The following KCTD8 variants were observed in gnomAD, a reference collection of about 807,000 sequenced individuals.
KCTD8 encodes the protein BTB/POZ domain-containing protein KCTD8.
A neutral mutation model predicts 31.5 loss-of-function variants in KCTD8; 27 were observed. The ratio of observed to expected loss-of-function variants is 0.86; its 90% confidence interval spans 0.63 to 1.18. The LOEUF (loss-of-function observed/expected upper bound fraction) is 1.18, where lower values mean the gene tolerates loss of function less well. Ranked by LOEUF, KCTD8 falls within the 50% of genes most tolerant of loss-of-function variation. The pLI is 0.00. For synonymous variants in KCTD8, 290 were observed against 280.0 expected (o/e 1.04, Z -0.36); for missense variants, 658 against 647.7 (o/e 1.02, Z -0.17).
intron 1 of KCTD8, among the ~76,000 whole-genome samples, chr4:44,208,416 C>T (rs1714381866): frequency 6.6e-6 from 1 of 152,150 alleles, no homozygotes; most frequent in African/African-American, 2.4e-5. Flanking sequence ...AGACTGCATC[C>T]TAATGAGTAG....
intron 1 of KCTD8, among the ~76,000 whole-genome samples, chr4:44,230,985 G>A (rs1350506622): frequency 2.0e-5 from 3 of 152,222 alleles, no homozygotes; most frequent in Non-Finnish European, 2.9e-5. Context: ...TGAAAAAATC[G>A]ATTTCGCTGG....
chr4:44,301,155 T>A (rs1276585255), intron 1 of KCTD8, among the ~76,000 whole-genome samples: 1 of 152,164 alleles, frequency 6.6e-6, no homozygotes, highest in Admixed American at 6.5e-5. Flanking sequence ...TTTGCTATTG[T>A]GAATAATGCC....
intron 1 of KCTD8, among the ~76,000 whole-genome samples, chr4:44,288,733 G>A (rs1717174639): frequency 6.6e-6 from 1 of 151,796 alleles, no homozygotes; most frequent in Non-Finnish European, 1.5e-5. Context: ...TTAAATCAAA[G>A]TTTTCTGTTT....
At chr4:44,368,477 A>G (rs991557000) in intron 1 of KCTD8, among the ~76,000 whole-genome samples, 2 of 152,218 alleles carry the variant, frequency 1.3e-5, no homozygotes, top group African/African-American at 4.8e-5. Flanking sequence ...ACTGAAACTC[A>G]ATGACACTAA....
At chr4:44,382,124 T>G (rs1720080761) in intron 1 of KCTD8, among the ~76,000 whole-genome samples, 1 of 151,990 alleles carries the variant, frequency 6.6e-6, no homozygotes, top group Non-Finnish European at 1.5e-5. Context: ...AATATAATAC[T>G]ATTTGGGAAC....
Position 44,182,986 on chromosome 4 carries a change from A to G in KCTD8, c.962-7736T>C, listed in dbSNP as rs1050395201. ...GAAAAATGTTAATTACTATTATTCA[A>G]TGTAAATATCCATGTGCTAATTGGC... On this transcript the variant is annotated intron_variant, in intron 1 of 1. Coordinates refer to ENST00000360029, the MANE Select transcript of KCTD8 (RefSeq NM_198353.3). 8.5e-5 allele frequency among the ~76,000 whole-genome samples: 13 copies of G among 152,186 alleles called. No individual in the cohort carries two copies. In the East Asian group the frequency reaches 1.2e-3, roughly 14 times the overall value.
chr4:44,362,477 C>T (rs1161068183), intron 1 of KCTD8, among the ~76,000 whole-genome samples: 1 of 151,934 alleles, frequency 6.6e-6, no homozygotes, highest in Admixed American at 6.6e-5. Flanking sequence ...CAAAACAATA[C>T]AGAATGGCTC....
chr4:44,230,615 T>A (rs2109352306), intron 1 of KCTD8, among the ~76,000 whole-genome samples: 1 of 152,326 alleles, frequency 6.6e-6, no homozygotes, highest in Non-Finnish European at 1.5e-5. Context: ...AAAACATTTC[T>A]TAAAAATGTT....
At chr4:44,340,908 T>A (rs577332618) in intron 1 of KCTD8, among the ~76,000 whole-genome samples, 1 of 152,002 alleles carries the variant, frequency 6.6e-6, no homozygotes, top group Admixed American at 6.6e-5. Flanking sequence ...TACATTGTGA[T>A]AGGATTGTAT....
chr4:44,299,704 G>A (rs887652901), intron 1 of KCTD8, among the ~76,000 whole-genome samples: 5 of 150,864 alleles, frequency 3.3e-5, no homozygotes, highest in Admixed American at 1.3e-4. Flanking sequence ...CTCCAACCTG[G>A]CAACAGAGTG....
chr4:44,207,919 C>T (rs1440702289), intron 1 of KCTD8, among the ~76,000 whole-genome samples: 1 of 152,086 alleles, frequency 6.6e-6, no homozygotes. Context: ...GAGTTGCTAG[C>T]AATATAAACA....
chr4:44,395,553 T>C lies in KCTD8; in HGVS notation c.961+52010A>G, dbSNP rs116369131. ...TGGATGGCACAGTTCCAAGAAATCTTCACCTTTTTCCAGAAGTCTTCATAA... is the reference window on the plus strand; with the variant it reads ...TGGATGGCACAGTTCCAAGAAATCTCCACCTTTTTCCAGAAGTCTTCATAA... On this transcript the variant is annotated intron_variant, in intron 1 of 1. Coordinates refer to ENST00000360029, the MANE Select transcript of KCTD8 (RefSeq NM_198353.3). 6.4e-3 allele frequency among the ~76,000 whole-genome samples: 980 copies of C among 152,186 alleles called. 2 individuals are homozygous for C. Among genetic ancestry groups the C allele is most frequent in the Non-Finnish European group, 0.011 (727 of 67,994 alleles).
intron 1 of KCTD8, among the ~76,000 whole-genome samples, chr4:44,405,606 C>G (rs1720774259): frequency 6.6e-6 from 1 of 151,958 alleles, no homozygotes; most frequent in Admixed American, 6.6e-5. Flanking sequence ...TAGAGAAAGG[C>G]ATACCCAGAT....
At chr4:44,271,537 C>A (rs773008250) in intron 1 of KCTD8, among the ~76,000 whole-genome samples, 9 of 152,054 alleles carry the variant, frequency 5.9e-5, no homozygotes, top group Non-Finnish European at 1.2e-4. Context: ...AAAATCTCTG[C>A]AGCATTGTGA....
At chr4:44,327,301 T>C (rs1718475157) in intron 1 of KCTD8, among the ~76,000 whole-genome samples, 1 of 151,868 alleles carries the variant, frequency 6.6e-6, no homozygotes, top group Non-Finnish European at 1.5e-5. Flanking sequence ...GTCCGTTTTC[T>C]ACACATACTA....
chr4:44,426,362 T>G (rs1471603387), intron 1 of KCTD8, among the ~76,000 whole-genome samples: 1 of 151,560 alleles, frequency 6.6e-6, no homozygotes. Context: ...AGGAAGTTGA[T>G]AGATGAATAG....
At chr4:44,412,835 T>C (rs1253880172) in intron 1 of KCTD8, among the ~76,000 whole-genome samples, 2 of 152,190 alleles carry the variant, frequency 1.3e-5, no homozygotes, top group Non-Finnish European at 2.9e-5. Flanking sequence ...TTCAATATGA[T>C]TGGGCTATTC....
intron 1 of KCTD8, among the ~76,000 whole-genome samples, chr4:44,256,023 T>C (rs371400965): frequency 7.9e-5 from 12 of 151,982 alleles, no homozygotes; most frequent in Admixed American, 2.6e-4. Flanking sequence ...CTCACAATCA[T>C]GGTAGAAGTC....
chr4:44,253,121 TAA>T (rs1055725064), intron 1 of KCTD8, among the ~76,000 whole-genome samples: 1 of 151,780 alleles, frequency 6.6e-6, no homozygotes, highest in Non-Finnish European at 1.5e-5. Context: ...TTTTAAAATA[TAA>T]GTTTTCTCCT....
Sources: allele counts gnomAD v4.1 joint callset (sites outside exome capture counted in the v4.1 genomes callset), GRCh38; gene constraint gnomAD v4.1.1; transcripts MANE v1.5; gene names NCBI Gene and HGNC (gene_info 2026-07-23, HGNC 2026-07-21).